RNF130: variants seen among roughly 807,000 people sequenced by gnomAD.
The protein encoded by RNF130 is E3 ubiquitin-protein ligase RNF130.
RNF130 carries 21 observed loss-of-function variants against 44.6 expected under a neutral mutation model. The observed-to-expected ratio is 0.47, with a 90% CI of 0.33 to 0.68. The LOEUF is 0.68. Among genes scored for constraint, RNF130 ranks in the 30% least tolerant of loss-of-function variants. The probability of loss-of-function intolerance (pLI) is 0.02; values close to 1 mark genes in which losing one functional copy is unlikely to be tolerated. For synonymous variants in RNF130, 214 were observed against 210.4 expected, an observed-to-expected ratio of 1.02 and a Z score of -0.15; for missense variants, 479 against 560.6, an observed-to-expected ratio of 0.85 and a Z score of 1.47.
At chr5:180,062,662 T>C (rs1765013507) in intron 1 of RNF130, among the ~76,000 whole-genome samples, 1 of 152,200 alleles carries the variant, frequency 6.6e-6, no homozygotes, top group Admixed American at 6.5e-5. Context: ...TGTCTATAAA[T>C]ACCTGAACCA....
chr5:180,027,676 C>T (rs1764022482), intron 2 of RNF130, among the ~76,000 whole-genome samples: 1 of 152,188 alleles, frequency 6.6e-6, no homozygotes, highest in South Asian at 2.1e-4. Flanking sequence ...GGACGCGTGC[C>T]TTCCTGCTCC....
At chr5:179,917,810 C>G (rs1761574462) in exon 8 of RNF130, 1 of 152,130 alleles carries the variant, frequency 6.6e-6, no homozygotes, top group Non-Finnish European at 1.5e-5. Context: ...TCAAGACCAG[C>G]CTGGGCAACA....
At chr5:179,951,191 C>G (rs1192866754), downstream of RNF130, among the ~76,000 whole-genome samples, 1 of 152,044 alleles carries the variant, frequency 6.6e-6, no homozygotes, top group Non-Finnish European at 1.5e-5. Context: ...AACAACAAAG[C>G]CCCAAACTAC....
intron 3 of RNF130, among the ~76,000 whole-genome samples, chr5:179,981,879 T>C (rs1384202391): frequency 6.6e-6 from 1 of 152,228 alleles, no homozygotes; most frequent in Non-Finnish European, 1.5e-5. Context: ...CTTATGGAGA[T>C]ATAATTGACT....
chr5:180,056,360 T>C (rs34044107), intron 1 of RNF130, among the ~76,000 whole-genome samples: 3 of 152,020 alleles, frequency 2.0e-5, no homozygotes, highest in African/African-American at 7.2e-5. Flanking sequence ...CCTGTTACTA[T>C]AGAGAATGGG....
intron 3 of RNF130, among the ~76,000 whole-genome samples, chr5:179,982,845 A>C (rs1011964271): frequency 2.0e-5 from 3 of 152,214 alleles, no homozygotes; most frequent in African/African-American, 7.2e-5. Flanking sequence ...TGGCTTCCCA[A>C]AATGCTGAGA....
intron 1 of RNF130, among the ~76,000 whole-genome samples, chr5:180,044,840 AAAAT>A (rs1225028247): frequency 6.6e-6 from 1 of 150,820 alleles, no homozygotes; most frequent in Non-Finnish European, 1.5e-5. Context: ...TCAAAAAAAA[AAAAT>A]AAAAGCCTCC....
chr5:179,982,573 G>C (rs979724666), intron 3 of RNF130, among the ~76,000 whole-genome samples: 7 of 151,810 alleles, frequency 4.6e-5, no homozygotes, highest in African/African-American at 1.7e-4. Context: ...TTTGTGTTTT[G>C]TTTTGTTTTG....
chr5:180,045,156 C>T (rs1764527066), intron 1 of RNF130, among the ~76,000 whole-genome samples: 1 of 152,112 alleles, frequency 6.6e-6, no homozygotes. Flanking sequence ...AGGTCAAGTT[C>T]AGAAAAGATC....
Position 180,067,772 on chromosome 5 carries a change from G to A in RNF130, c.247+3684C>T, listed in dbSNP as rs1050043356. Among the ~76,000 whole-genome samples the A allele has an allele frequency of 6.6e-5, 10 of 152,010 alleles. 1 individual carries two copies. Among genetic ancestry groups the A allele is most frequent in the Non-Finnish European group, 1.5e-4 (10 of 67,998 alleles). On this transcript the variant is annotated intron_variant, in intron 1 of 8. Coordinates refer to ENST00000521389, the MANE Select transcript of RNF130 (RefSeq NM_018434.6). ...TATATCCTTTTTCTCTGAATATTTT[G>A]AAATCTGTGTCCAATAGCCCCTGCC...
intron 3 of RNF130, among the ~76,000 whole-genome samples, chr5:179,988,863 T>C (rs1459481151): frequency 3.3e-5 from 5 of 152,256 alleles, no homozygotes; most frequent in African/African-American, 1.2e-4. Context: ...TGCAGCAATT[T>C]GATACAGTGT....
chr5:180,063,714 T>C (rs1001948194), intron 1 of RNF130, among the ~76,000 whole-genome samples: 7 of 152,198 alleles, frequency 4.6e-5, no homozygotes, highest in African/African-American at 1.7e-4. Context: ...CCATTTGGTT[T>C]TTCTTAACAT....
intron 3 of RNF130, among the ~76,000 whole-genome samples, chr5:179,987,493 G>A (rs1762981667): frequency 6.6e-6 from 1 of 152,186 alleles, no homozygotes; most frequent in African/African-American, 2.4e-5. Flanking sequence ...TGTTCTGACT[G>A]CTCCGGCTAT....
Position 179,943,974 on chromosome 5 carries a change from A to AT in RNF130, c.1150+22831dup, listed in dbSNP as rs1428173573. Among the ~76,000 whole-genome samples, 447 of 145,962 alleles carry AT rather than the reference A, an allele frequency of 3.1e-3. 1 individual carries two copies. The highest frequency in any genetic ancestry group is 7.8e-3 in the Admixed American group (113 of 14,540). The stretch of plus-strand genomic sequence containing the variant: ...AACCACTTCTCTTTATTTCTGAGAA[A>AT]TTTTTTTTTTTTTTTGAGACGGAGT... On this transcript the variant is annotated intron_variant, in intron 7 of 7. Coordinates refer to the RNF130 transcript ENST00000522208.
At chr5:180,056,534 C>T (rs1764828649) in intron 1 of RNF130, among the ~76,000 whole-genome samples, 1 of 152,066 alleles carries the variant, frequency 6.6e-6, no homozygotes, top group African/African-American at 2.4e-5. Context: ...GCAAAACACA[C>T]TGGGCAGAGG....
intron 1 of RNF130, among the ~76,000 whole-genome samples, chr5:180,070,843 C>T (rs1337282894): frequency 6.6e-6 from 1 of 152,140 alleles, no homozygotes; most frequent in Non-Finnish European, 1.5e-5. Context: ...CACCCGTGAC[C>T]TGAAAAGCCT....
At chr5:179,999,396 C>T (rs1434500273) in intron 3 of RNF130, among the ~76,000 whole-genome samples, 2 of 152,094 alleles carry the variant, frequency 1.3e-5, no homozygotes, top group African/African-American at 2.4e-5. Context: ...TTTTTGCACC[C>T]CTTCATTTTT....
intron 8 of RNF130, among the ~76,000 whole-genome samples, chr5:179,959,613 C>A (rs1301408015): frequency 6.7e-6 from 1 of 149,102 alleles, no homozygotes; most frequent in African/African-American, 2.5e-5. Flanking sequence ...GGTAACAGAG[C>A]GAGACTCCGT....
At chr5:179,938,382 T>C (rs1041126369) in intron 7 of RNF130, among the ~76,000 whole-genome samples, 1 of 151,874 alleles carries the variant, frequency 6.6e-6, no homozygotes, top group Admixed American at 6.6e-5. Flanking sequence ...AGGACACAGA[T>C]TGGTAGTTGT....
Sources: allele counts gnomAD v4.1 joint callset (sites outside exome capture counted in the v4.1 genomes callset), GRCh38; gene constraint gnomAD v4.1.1; transcripts MANE v1.5; gene names NCBI Gene and HGNC (gene_info 2026-07-23, HGNC 2026-07-21).